The following MTSS2 variants were observed in gnomAD, a reference collection of about 807,000 sequenced individuals.
MTSS2 encodes the protein MTSS I-BAR domain containing 2.
MTSS2 carries 27 observed loss-of-function variants against 67.1 expected under a neutral mutation model. That is an observed-to-expected ratio of 0.40 (90% CI 0.30 to 0.55). The LOEUF is 0.55. Among genes scored for constraint, MTSS2 ranks in the 20% least tolerant of loss-of-function variants. The pLI, the probability that MTSS2 is intolerant of heterozygous loss-of-function variation, is 0.43. For missense variants in MTSS2, 1,171 were observed against 1,067.8 expected, an observed-to-expected ratio of 1.10 and a Z score of -1.35; for synonymous variants, 624 against 468.6, an observed-to-expected ratio of 1.33 and a Z score of -4.28.
rs751042990 is a variant in MTSS2, at chr16:70,664,260, G to A, written c.1661C>T (p.Pro554Leu). Residue 554 changes from proline (P) to leucine (L), a missense_variant, in exon 15 of 15, where the codon CCC becomes CTC. Around this residue, in one of 2 missense-constraint regions of MTSS2, gnomAD observed 924 missense variants for 756.0 expected, o/e 1.22. Transcript: ENST00000338779. ...TAGLPTATGL[P>L]SGAPPGVATI... ...GGCCACGCCGGGGGGTGCGCCCGAG[G>A]GCAGGCCAGTGGCCGTGGGCAGCCC... The A allele has an allele frequency of 4.5e-6, 7 of 1,560,798 alleles. No homozygotes were observed. The Admixed American group carries it at 1.1e-4, about 25-fold the overall frequency.
chr16:70,669,107 T>C (rs1357131525), intron 11 of MTSS2, among the ~76,000 whole-genome samples: 2 of 152,054 alleles, frequency 1.3e-5, no homozygotes, highest in African/African-American at 4.8e-5. Context: ...GACCTTGCAG[T>C]AGGCAAAAAT....
chr16:70,661,622 T>C lies in MTSS2; in HGVS notation c.*2055A>G. 5.9e-6 allele frequency: 2 copies of C among 337,382 alleles called. No individual in the cohort carries two copies. The highest frequency in any genetic ancestry group is 1.2e-5 in the Non-Finnish European group (2 of 173,340). The allele number at this position is 337,382 out of a possible 1,614,324, so 20.9% of individuals were successfully genotyped here. On this transcript the variant is annotated 3_prime_UTR_variant, in exon 15 of 15. Transcript: ENST00000338779. ...GTGGGTGGGCCTATGAGGTGGTTGC[T>C]AAGTCGACGCAAGGGCGGCGGGGGT...
At chr16:70,685,694 C>A in intron 1 of MTSS2, 29 bp downstream of exon 1, 1 of 1,266,040 alleles carries the variant, frequency 7.9e-7, no homozygotes. Flanking sequence ...CCCGTCGCCG[C>A]GCGCCCGGCC....
At chr16:70,679,239 T>C (rs976572350) in intron 7 of MTSS2, 76 bp downstream of exon 7, 2 of 1,562,240 alleles carry the variant, frequency 1.3e-6, no homozygotes, top group Non-Finnish European at 1.8e-6. Context: ...TTCCTTCCAA[T>C]GGCCCTGAGC....
Position 70,663,453 on chromosome 16 carries a change from G to T in MTSS2, c.*224C>A, listed in dbSNP as rs913852167. ...GACCGAAGAGCATAAAACAGACCCC[G>T]AACCAGGCCCAGGCCTGCAGGCTCC... On this transcript the variant is annotated 3_prime_UTR_variant, in exon 15 of 15. Coordinates refer to ENST00000338779, the MANE Select transcript of MTSS2 (RefSeq NM_138383.3). 3.8e-6 allele frequency: 3 copies of T among 799,410 alleles called. No individual in the cohort carries two copies. The highest frequency in any genetic ancestry group is 3.7e-6 in the Non-Finnish European group (2 of 536,688). The allele number at this position is 799,410 out of a possible 1,614,324, so 49.5% of individuals were successfully genotyped here.
At position 70,665,411 on chromosome 16, in the gene MTSS2, C is replaced by A. The variant is rs567390248; in HGVS notation, c.1128+55G>T. The A allele has an allele frequency of 1.1e-5, 16 of 1,501,874 alleles. No individual in the cohort carries two copies. In the African/African-American group the frequency reaches 2.2e-4, roughly 21 times the overall value. 93.0% of individuals were successfully genotyped at this position (1,501,874 alleles called of 1,614,324 possible). A position where few individuals can be genotyped will look rare whatever the true frequency, so the allele number is the denominator to read the frequency against. On this transcript the variant is annotated intron_variant, in intron 12 of 14. Coordinates refer to ENST00000338779, the MANE Select transcript of MTSS2 (RefSeq NM_138383.3). ...CAGTAATGGCACCAGGTGGGGAGGG[C>A]ATGGATGGGAGGGGCAGCTGGTGAC...
chr16:70,662,440 G>C lies in MTSS2; in HGVS notation c.*1237C>G, dbSNP rs953159605. ...ACCACGAGCCTGGACTACAGTGGGG[G>C]CCGTGCTGGGATGGCATCTCCTCCG... On this transcript the variant is annotated 3_prime_UTR_variant, in exon 15 of 15. Transcript: ENST00000338779. 4 of 152,286 alleles carry C rather than the reference G, an allele frequency of 2.6e-5. No homozygotes were observed. Among genetic ancestry groups the C allele is most frequent in the Admixed American group, 1.3e-4 (2 of 15,282 alleles). The allele number at this position is 152,286 out of a possible 1,614,324, so 9.4% of individuals were successfully genotyped here.
chr16:70,680,647 C>T, intron 3 of MTSS2, 147 bp downstream of exon 3: 1 of 699,620 alleles, frequency 1.4e-6, no homozygotes. Flanking sequence ...CTCACTCTCT[C>T]CACAACCAGC....
rs761465838 is a variant in MTSS2, at chr16:70,679,850, C to T, written c.318G>A (p.Pro106=). The T allele has an allele frequency of 2.4e-5, 39 of 1,604,140 alleles. No individual in the cohort carries two copies. The South Asian group carries it at 4.0e-4, about 16-fold the overall frequency. The part of the protein sequence containing the change: ...TNALLESLIN[P]LQERIEDWKK... ...TCCAGTCCTCGATGCGCTCCTGCAG[C>T]GGGTTGATGAGGCTCTCCAGCAGTG... is the stretch of plus-strand genomic sequence containing the variant. Residue 106 remains proline (P), a synonymous_variant, in exon 5 of 15, where the codon CCG becomes CCA. Coordinates refer to ENST00000338779, the MANE Select transcript of MTSS2 (RefSeq NM_138383.3).
rs775958994 is a variant in MTSS2 at position 70,664,445 on chromosome 16, G to A, written c.1476C>T (p.Ser492=). 3 of 1,535,138 alleles carry A rather than the reference G, an allele frequency of 2.0e-6. No individual in the cohort carries two copies. The highest frequency in any genetic ancestry group is 2.3e-5 in the East Asian group (1 of 44,046). Residue 492 remains serine (S), a synonymous_variant, in exon 15 of 15, where the codon TCC becomes TCT. Coordinates refer to ENST00000338779, the MANE Select transcript of MTSS2 (RefSeq NM_138383.3). ...CSEDTIPSQG[S]DYDCYSVNGD... ...CATTCACGGAGTAGCAGTCGTAGTC[G>A]GAGCCTGGGGGCACGGGACACAGTG...
intron 12 of MTSS2, 62 bp downstream of exon 12, chr16:70,665,404 G>C: frequency 1.4e-6 from 2 of 1,479,224 alleles, no homozygotes; most frequent in Non-Finnish European, 1.8e-6. Context: ...GCACCAGGTG[G>C]GGAGGGCATG....
chr16:70,664,631 G>A lies in MTSS2; in HGVS notation c.1438C>T (p.Pro480Ser), dbSNP rs768228925. 6 of 1,613,132 alleles carry A rather than the reference G, an allele frequency of 3.7e-6. No individual in the cohort carries two copies. The highest frequency in any genetic ancestry group is 1.8e-4 in the Middle Eastern group (1 of 5,624). Residue 480 changes from proline (P) to serine (S), a missense_variant, in exon 14 of 15, where the codon CCC becomes TCC. Transcript: ENST00000338779. Reference sequence around the variant, plus strand: ...GGGATGGTGTCCTCAGAGCAGGAGGGCGTGGTGGTCTGCGTGCTGTAGCCG... The same window carrying A: ...GGGATGGTGTCCTCAGAGCAGGAGGACGTGGTGGTCTGCGTGCTGTAGCCG... Reference protein sequence around the residue: ...SSGYSTQTTTPSCSEDTIPSQ... With the variant: ...SSGYSTQTTTSSCSEDTIPSQ...
In MTSS2 at chr16:70,680,898, G is replaced by T. The variant is rs764680725; in HGVS notation, c.132-31C>A. On this transcript the variant is annotated intron_variant, in intron 2 of 14. Coordinates refer to ENST00000338779, the MANE Select transcript of MTSS2 (RefSeq NM_138383.3). Reference sequence around the variant, plus strand: ...GAGAGGGACAACGGCATGGATGGTCGGTGGTTGGGCGGGGGGGGGGCCTCT... The same window carrying T: ...GAGAGGGACAACGGCATGGATGGTCTGTGGTTGGGCGGGGGGGGGGCCTCT... 36 of 1,546,922 alleles carry T rather than the reference G, an allele frequency of 2.3e-5. No homozygotes were observed. The Admixed American group carries it at 3.0e-4, about 13-fold the overall frequency.
At position 70,679,311 on chromosome 16, in the gene MTSS2, T is replaced by C. The variant is rs1036308467; in HGVS notation, c.466+4A>G. 1 of 1,613,928 alleles carries C rather than the reference T, an allele frequency of 6.2e-7. No homozygotes were observed. Among genetic ancestry groups the C allele is most frequent in the Non-Finnish European group, 8.5e-7 (1 of 1,179,898 alleles). ...GCAGCTGGAGGGACCGACATTTGAC[T>C]TACCAAGTAGCTCTACAGGAAGGAT... On this transcript the variant is annotated splice_donor_region_variant and intron_variant, in intron 7 of 14. Transcript: ENST00000338779.
At chr16:70,667,931 C>G (rs2052778483) in intron 11 of MTSS2, among the ~76,000 whole-genome samples, 2 of 151,100 alleles carry the variant, frequency 1.3e-5, no homozygotes, top group Admixed American at 6.6e-5. Context: ...GCAGTAAAGC[C>G]TAAACAAACA....
chr16:70,665,284 T>A (rs533454831), intron 12 of MTSS2, 182 bp downstream of exon 12: 1 of 902,208 alleles, frequency 1.1e-6, no homozygotes, highest in Non-Finnish European at 1.6e-6. Flanking sequence ...AGGGGTAAGA[T>A]GTGGCTGTGT....
intron 11 of MTSS2, among the ~76,000 whole-genome samples, chr16:70,667,976 GT>G (rs11381159): frequency 6.0e-4 from 86 of 143,616 alleles, no homozygotes; most frequent in Middle Eastern, 3.6e-3. Context: ...AATCCCAGGA[GT>G]TTTTTTTTTT....
At chr16:70,670,409 T>A (rs1416550640) in intron 11 of MTSS2, among the ~76,000 whole-genome samples, 1 of 152,232 alleles carries the variant, frequency 6.6e-6, no homozygotes, top group Admixed American at 6.5e-5. Flanking sequence ...ACTTTGCAAT[T>A]CTGCTCCTAG....
chr16:70,680,403 C>A (rs1284541484), intron 3 of MTSS2, among the ~76,000 whole-genome samples: 1 of 152,170 alleles, frequency 6.6e-6, no homozygotes, highest in East Asian at 1.9e-4. Flanking sequence ...GGAGCGGGAG[C>A]CCCAGGTCTC....
Sources: gnomAD v4.1 joint callset for allele counts (sites outside exome capture counted in the v4.1 genomes callset) on GRCh38, gnomAD v4.1.1 for gene constraint, gnomAD v4.1.1 regional missense constraint, MANE v1.5 for transcripts, NCBI Gene and HGNC (gene_info 2026-07-23, HGNC 2026-07-21) for gene names.